The following EYA4 variants were observed in gnomAD, a reference collection of about 807,000 sequenced individuals.
EYA4 encodes protein phosphatase EYA4.
In EYA4, 31 loss-of-function variants were observed where a neutral mutation model predicts 87.9. That is an observed-to-expected ratio of 0.35 (90% CI 0.27 to 0.48). The LOEUF is 0.48. Ranked by LOEUF, EYA4 falls within the 20% of genes least tolerant of loss-of-function variation. EYA4 has a pLI of 0.99. For synonymous variants in EYA4, 263 were observed against 270.6 expected (o/e 0.97, Z 0.28); for missense variants, 678 against 761.4 (o/e 0.89, Z 1.29).
intron 1 of EYA4, among the ~76,000 whole-genome samples, chr6:133,249,523 A>G (rs1774708875): frequency 6.6e-6 from 1 of 152,154 alleles, no homozygotes; most frequent in Non-Finnish European, 1.5e-5. Context: ...CAGGGAAGAT[A>G]ACCCTTCATA....
chr6:133,397,061 G>T (rs2128506594), intron 3 of EYA4, among the ~76,000 whole-genome samples: 1 of 152,324 alleles, frequency 6.6e-6, no homozygotes, highest in East Asian at 1.9e-4. Flanking sequence ...GACTTTTAAT[G>T]GCCCAGAATG....
At chr6:133,337,060 A>G (rs980488438) in intron 2 of EYA4, among the ~76,000 whole-genome samples, 5 of 152,192 alleles carry the variant, frequency 3.3e-5, no homozygotes, top group African/African-American at 1.2e-4. Context: ...GAAATTCTCC[A>G]GGTTCTGAAT....
intron 2 of EYA4, among the ~76,000 whole-genome samples, chr6:133,378,614 G>A (rs957390433): frequency 1.3e-5 from 2 of 151,984 alleles, no homozygotes. Flanking sequence ...CTGCTTCTCA[G>A]TGTTACTATA....
At chr6:133,377,542 G>A (rs572821297) in intron 2 of EYA4, among the ~76,000 whole-genome samples, 7 of 146,234 alleles carry the variant, frequency 4.8e-5, no homozygotes, top group Non-Finnish European at 1.0e-4. Flanking sequence ...AAGAAACAAC[G>A]CAGAAGTTGT....
At chr6:133,517,128 C>T (rs1202527218) in intron 17 of EYA4, among the ~76,000 whole-genome samples, 2 of 152,116 alleles carry the variant, frequency 1.3e-5, no homozygotes, top group African/African-American at 4.8e-5. Flanking sequence ...ATTTACACTC[C>T]CACCAAATGC....
intron 2 of EYA4, among the ~76,000 whole-genome samples, chr6:133,322,823 T>C (rs1244599877): frequency 6.6e-6 from 1 of 152,172 alleles, no homozygotes; most frequent in Non-Finnish European, 1.5e-5. Flanking sequence ...GAATTTGAAT[T>C]ACCTCTAGTA....
At position 133,274,712 on chromosome 6, in the gene EYA4, T is replaced by A. The variant is rs1159374123; in HGVS notation, c.-65-4T>A. ...TCCCCTTTGTTTCCATCTTCTTGTT[T>A]TAGATAGTCATTTTTACTTGAAGGA... On this transcript the variant is annotated splice_region_variant and splice_polypyrimidine_tract_variant and intron_variant, in intron 1 of 19. Transcript: ENST00000355286. The A allele has an allele frequency of 7.7e-7, 1 of 1,302,730 alleles. No homozygotes were observed. The highest frequency in any genetic ancestry group is 1.1e-6 in the Non-Finnish European group (1 of 896,698). 80.7% of individuals were successfully genotyped at this position (1,302,730 alleles called of 1,614,324 possible). A position where few individuals can be genotyped will look rare whatever the true frequency, so the allele number is the denominator to read the frequency against.
Position 133,529,438 on chromosome 6 carries a change from G to A in EYA4, c.*633G>A, listed in dbSNP as rs996978211. On this transcript the variant is annotated 3_prime_UTR_variant, in exon 20 of 20. Transcript: ENST00000355286. ...CTTTTTTAAGTTTGGCAAACAGAAT[G>A]TTCATACTGATGTGTTGTGCCTTAA... The A allele has an allele frequency of 1.5e-4, 152 of 988,814 alleles. No homozygotes were observed. Among genetic ancestry groups the A allele is most frequent in the Non-Finnish European group, 1.7e-4 (144 of 832,146 alleles). 61.3% of individuals were successfully genotyped at this position (988,814 alleles called of 1,614,324 possible).
At chr6:133,268,160 C>T (rs1776379197) in intron 1 of EYA4, among the ~76,000 whole-genome samples, 1 of 152,154 alleles carries the variant, frequency 6.6e-6, no homozygotes, top group Admixed American at 6.5e-5. Context: ...TGTTCTCCTA[C>T]TCTTTCCTAA....
At chr6:133,271,518 C>T (rs1184353070) in intron 1 of EYA4, among the ~76,000 whole-genome samples, 1 of 152,166 alleles carries the variant, frequency 6.6e-6, no homozygotes, top group Non-Finnish European at 1.5e-5. Flanking sequence ...AGTGTCTATT[C>T]CAGTGAGGAC....
At chr6:133,452,244 T>G (rs761363549) in intron 5 of EYA4, among the ~76,000 whole-genome samples, 3 of 152,142 alleles carry the variant, frequency 2.0e-5, no homozygotes, top group Non-Finnish European at 4.4e-5. Context: ...TTTTTGTGGT[T>G]CAGAAAGAAG....
chr6:133,371,981 A>G (rs1411002202), intron 2 of EYA4, among the ~76,000 whole-genome samples: 2 of 152,032 alleles, frequency 1.3e-5, no homozygotes, highest in African/African-American at 4.8e-5. Context: ...TAATTCCTAT[A>G]CTCTTTAACC....
intron 2 of EYA4, among the ~76,000 whole-genome samples, chr6:133,281,703 T>A (rs1024235208): frequency 2.0e-5 from 3 of 152,166 alleles, no homozygotes; most frequent in African/African-American, 7.2e-5. Context: ...TGGGGTATGA[T>A]TGATGCCAGC....
At chr6:133,425,688 C>T (rs1790609156) in intron 3 of EYA4, among the ~76,000 whole-genome samples, 1 of 150,738 alleles carries the variant, frequency 6.6e-6, no homozygotes, top group Non-Finnish European at 1.5e-5. Context: ...GCCGCTATGA[C>T]TGCTTTAGTT....
chr6:133,390,939 A>G (rs764660603), intron 3 of EYA4, among the ~76,000 whole-genome samples: 3 of 152,304 alleles, frequency 2.0e-5, no homozygotes, highest in Non-Finnish European at 4.4e-5. Context: ...TTTTGAAGAA[A>G]TGAAGGAAAG....
intron 3 of EYA4, among the ~76,000 whole-genome samples, chr6:133,408,095 A>G (rs947044191): frequency 6.6e-6 from 1 of 152,218 alleles, no homozygotes; most frequent in Admixed American, 6.5e-5. Flanking sequence ...TGGGGCTGCA[A>G]TTTGGATTTT....
chr6:133,402,703 T>C (rs575115749), intron 3 of EYA4, among the ~76,000 whole-genome samples: 1 of 150,934 alleles, frequency 6.6e-6, no homozygotes, highest in East Asian at 2.0e-4. Context: ...AGCTGTGCAA[T>C]ATAAAGATGA....
At chr6:133,323,309 T>C (rs1781242709) in intron 2 of EYA4, among the ~76,000 whole-genome samples, 1 of 152,088 alleles carries the variant, frequency 6.6e-6, no homozygotes, top group South Asian at 2.1e-4. Context: ...AATTAAGACA[T>C]TAAGAATTAA....
intron 2 of EYA4, among the ~76,000 whole-genome samples, chr6:133,295,939 G>A (rs1376364320): frequency 6.6e-6 from 1 of 152,180 alleles, no homozygotes; most frequent in Non-Finnish European, 1.5e-5. Flanking sequence ...AATATGTCTA[G>A]TGGCATTAAG....
Sources: gnomAD v4.1 joint callset for allele counts (sites outside exome capture counted in the v4.1 genomes callset) on GRCh38, gnomAD v4.1.1 for gene constraint, MANE v1.5 for transcripts, NCBI Gene and HGNC (gene_info 2026-07-23, HGNC 2026-07-21) for gene names.